FBLN1: variants seen among roughly 807,000 people sequenced by gnomAD.
FBLN1 encodes the protein fibulin 1, also known as fibulin-1.
In FBLN1, 34 loss-of-function variants were observed where a neutral mutation model predicts 89.7. The observed-to-expected ratio is 0.38, with a 90% CI of 0.29 to 0.50. The LOEUF (loss-of-function observed/expected upper bound fraction) is 0.50, where lower values mean the gene tolerates loss of function less well. Ranked by LOEUF, FBLN1 falls within the 20% of genes least tolerant of loss-of-function variation. FBLN1 has a pLI of 0.92. For missense variants in FBLN1, 777 were observed against 988.1 expected (o/e 0.79, Z 2.86); for synonymous variants, 393 against 391.3 (o/e 1.00, Z -0.05).
intron 14 of FBLN1, among the ~76,000 whole-genome samples, chr22:45,567,389 G>A (rs2088908799): frequency 6.6e-6 from 1 of 152,242 alleles, no homozygotes; most frequent in South Asian, 2.1e-4. Context: ...GCCAAGGCAG[G>A]CAGACCACTG....
intron 14 of FBLN1, among the ~76,000 whole-genome samples, chr22:45,570,366 GAAAAAGAA>G (rs2088942896): frequency 4.4e-5 from 4 of 90,794 alleles, no homozygotes; most frequent in Admixed American, 1.1e-4. Flanking sequence ...AAAAAAAAAA[GAAAAAGAA>G]AAAAAGAAAG....
chr22:45,594,468 G>T (rs191408810), intron 16 of FBLN1, among the ~76,000 whole-genome samples: 1 of 152,236 alleles, frequency 6.6e-6, no homozygotes, highest in Non-Finnish European at 1.5e-5. Flanking sequence ...CTGCTTCCTT[G>T]GCTCATATTT....
Position 45,537,251 on chromosome 22 carries a change from T to C in FBLN1, c.922+1914T>C, listed in dbSNP as rs2088494349. ...TCCTTAGCGAAATCTGTATTGATCA[T>C]TTATTTGAAATAGTGGTTTGGAGAG... is the stretch of plus-strand genomic sequence containing the variant. On this transcript the variant is annotated intron_variant, in intron 8 of 16. Transcript: ENST00000327858. This position sits in a 1 kb window ranked among gnomAD's most constrained non-coding sequence, Gnocchi z 5.7. Among the ~76,000 whole-genome samples, 1 of 152,218 alleles carries C rather than the reference T, an allele frequency of 6.6e-6. No homozygotes were observed. Among genetic ancestry groups the C allele is most frequent in the Non-Finnish European group, 1.5e-5 (1 of 68,028 alleles).
rs745783115 is a variant in FBLN1, at chr22:45,531,296, G to A, written c.516G>A (p.Glu172=). Residue 172 remains glutamate (E), a synonymous_variant, in exon 5 of 17, where the codon GAG becomes GAA. Transcript: ENST00000327858. The surrounding 1 kb of genome is among the most constrained non-coding windows in gnomAD (Gnocchi z 4.9). ...DKIIEVEEEQ[E]DPYLNDRCRG... is the part of the protein sequence containing the mutation. Reference sequence around the variant, plus strand: ...TCATTGAGGTTGAGGAGGAACAAGAGGACCCATATCTGAATGACCGCTGCC... The same window carrying A: ...TCATTGAGGTTGAGGAGGAACAAGAAGACCCATATCTGAATGACCGCTGCC... 2 of 1,614,040 alleles carry A rather than the reference G, an allele frequency of 1.2e-6. No homozygotes were observed. Among genetic ancestry groups the A allele is most frequent in the East Asian group, 4.5e-5 (2 of 44,880 alleles).
At chr22:45,598,375 C>G (rs1407483177) in intron 16 of FBLN1, among the ~76,000 whole-genome samples, 1 of 152,236 alleles carries the variant, frequency 6.6e-6, no homozygotes, top group Non-Finnish European at 1.5e-5. Context: ...CACATCCCCA[C>G]CCTCAACACC....
chr22:45,539,920 T>G (rs1266078803), intron 8 of FBLN1, among the ~76,000 whole-genome samples: 3 of 152,082 alleles, frequency 2.0e-5, no homozygotes, highest in African/African-American at 4.8e-5. Context: ...AACGCTGCAT[T>G]TATTCGTGTT....
chr22:45,539,502 G>T (rs136752), intron 8 of FBLN1, among the ~76,000 whole-genome samples: 54,026 of 151,904 alleles, frequency 0.36, 10,319 homozygotes, highest in Middle Eastern at 0.51. Context: ...CCCAGCCTCT[G>T]CCTTTCTTCT....
chr22:45,549,499 T>C lies in FBLN1; in HGVS notation c.1573+755T>C, dbSNP rs528451538. 6.6e-6 allele frequency among the ~76,000 whole-genome samples: 1 copy of C among 152,254 alleles called. No homozygotes were observed. The highest frequency in any genetic ancestry group is 1.9e-4 in the East Asian group (1 of 5,158). ...GAAAGGCAGGCAGGAGCTGCGGTGT[T>C]TCCTGGGAGGCCCCCTCCGCTTGCC... On this transcript the variant is annotated intron_variant, in intron 13 of 16. Transcript: ENST00000327858. The surrounding 1 kb of genome is among the most constrained non-coding windows in gnomAD (Gnocchi z 5.7).
chr22:45,513,265 G>A (rs2088125165), intron 1 of FBLN1, among the ~76,000 whole-genome samples: 1 of 150,910 alleles, frequency 6.6e-6, no homozygotes, highest in Non-Finnish European at 1.5e-5. Context: ...TTTTATTGTG[G>A]TAAAATACGC....
At chr22:45,509,210 C>T (rs1246888520) in intron 1 of FBLN1, among the ~76,000 whole-genome samples, 1 of 152,098 alleles carries the variant, frequency 6.6e-6, no homozygotes, top group Non-Finnish European at 1.5e-5. Context: ...GCCCTTGGAG[C>T]AGGGTGGGAT....
In FBLN1 at chr22:45,575,816, G is replaced by A. The variant is rs562835771; in HGVS notation, c.1841-1161G>A. On this transcript the variant is annotated intron_variant, in intron 15 of 16. Transcript: ENST00000327858. The surrounding 1 kb of genome is among the most constrained non-coding windows in gnomAD (Gnocchi z 6.3). ...ACCTCGCTTCCTGGCTGTGCTGCCC[G>A]TGTGCCCGGTCCCCAACCACCCCCG... Among the ~76,000 whole-genome samples the A allele has an allele frequency of 5.3e-5, 8 of 152,278 alleles. No individual in the cohort carries two copies. Among genetic ancestry groups the A allele is most frequent in the South Asian group, 2.1e-4 (1 of 4,826 alleles).
intron 16 of FBLN1, among the ~76,000 whole-genome samples, chr22:45,596,177 C>T (rs376493640): frequency 6.6e-6 from 1 of 152,214 alleles, no homozygotes; most frequent in South Asian, 2.1e-4. Flanking sequence ...CCAAAGGTTG[C>T]TGTTTTTAAT....
At position 45,574,448 on chromosome 22, in the gene FBLN1, G is replaced by C; in HGVS notation, c.1698-63G>C. On this transcript the variant is annotated intron_variant, in intron 14 of 16. Transcript: ENST00000327858. This position sits in a 1 kb window ranked among gnomAD's most constrained non-coding sequence, Gnocchi z 4.1. The stretch of plus-strand genomic sequence containing the variant: ...CACCTGCTCCTCCTCCCTAGACCTC[G>C]GCCCCTGTGGGAGCTGCTGTCCCAG... 1 of 1,601,256 alleles carries C rather than the reference G, an allele frequency of 6.2e-7. No homozygotes were observed. Among genetic ancestry groups the C allele is most frequent in the Non-Finnish European group, 8.5e-7 (1 of 1,170,298 alleles).
chr22:45,550,795 G>T lies in FBLN1; in HGVS notation c.1697+180G>T. Reference sequence around the variant, plus strand: ...CCTAAATGCTAGTGACACTGGTCTCGGAAAGTCAAGGGGGTAACTGCAAAT... The same window carrying T: ...CCTAAATGCTAGTGACACTGGTCTCTGAAAGTCAAGGGGGTAACTGCAAAT... On this transcript the variant is annotated intron_variant, in intron 14 of 16. Coordinates refer to ENST00000327858, the MANE Select transcript of FBLN1 (RefSeq NM_006486.3). This position sits in a 1 kb window ranked among gnomAD's most constrained non-coding sequence, Gnocchi z 8.4. 1 of 833,126 alleles carries T rather than the reference G, an allele frequency of 1.2e-6. No homozygotes were observed. Among genetic ancestry groups the T allele is most frequent in the Non-Finnish European group, 2.0e-6 (1 of 506,206 alleles). The allele number at this position is 833,126 out of a possible 1,614,324, so 51.6% of individuals were successfully genotyped here.
At position 45,586,257 on chromosome 22, in the gene FBLN1, C is replaced by T. The variant is rs188229568; in HGVS notation, c.1972+9149C>T. ...CACACCCGAGATTGGTTTTCCAGCC[C>T]AGGACCTGGCTAGGAAGGGTCGGCG... On this transcript the variant is annotated intron_variant, in intron 16 of 16. Transcript: ENST00000327858. 2.2e-3 allele frequency among the ~76,000 whole-genome samples: 339 copies of T among 152,348 alleles called. 1 individual carries two copies. The highest frequency in any genetic ancestry group is 7.7e-3 in the African/African-American group (322 of 41,578).
chr22:45,533,765 C>T lies in FBLN1; in HGVS notation c.651C>T (p.Val217=). The T allele has an allele frequency of 6.2e-7, 1 of 1,612,088 alleles. No individual in the cohort carries two copies. The highest frequency in any genetic ancestry group is 8.5e-7 in the Non-Finnish European group (1 of 1,179,980). ...CACTGCCTCGGTCTCTCCTAGATGT[C>T]AATGAATGCATCACGGGCAGCCACA... The part of the protein sequence containing the change: ...LLSDGVSCED[V]NECITGSHSC... The change falls in exon 7 of 17, where the codon GTC becomes GTT. Residue 217 remains valine (V), a synonymous_variant. Coordinates refer to ENST00000327858, the MANE Select transcript of FBLN1 (RefSeq NM_006486.3).
chr22:45,550,707 T>G lies in FBLN1; in HGVS notation c.1697+92T>G. 1 of 1,577,974 alleles carries G rather than the reference T, an allele frequency of 6.3e-7. No individual in the cohort carries two copies. The highest frequency in any genetic ancestry group is 1.7e-5 in the Admixed American group (1 of 59,952). On this transcript the variant is annotated intron_variant, in intron 14 of 16. Coordinates refer to ENST00000327858, the MANE Select transcript of FBLN1 (RefSeq NM_006486.3). The surrounding 1 kb of genome is among the most constrained non-coding windows in gnomAD (Gnocchi z 8.4). ...GTGGGTGGGTTATCAGGCTGTGACC[T>G]CGGTGTCCTCCCATGAGGGACTCAG...
At position 45,549,806 on chromosome 22, in the gene FBLN1, G is replaced by A. The variant is rs2088678323; in HGVS notation, c.1574-686G>A. Among the ~76,000 whole-genome samples the A allele has an allele frequency of 5.9e-5, 9 of 152,208 alleles. No homozygotes were observed. In the South Asian group the frequency reaches 1.9e-3, roughly 32 times the overall value. On this transcript the variant is annotated intron_variant, in intron 13 of 16. Transcript: ENST00000327858. The surrounding 1 kb of genome is among the most constrained non-coding windows in gnomAD (Gnocchi z 5.7). The stretch of plus-strand genomic sequence containing the variant: ...AGTTGGGCTGCTCCCCCATCTCCAG[G>A]GGCCTCTCAGTGTGGTGCCCCAGGC...
At position 45,503,033 on chromosome 22, in the gene FBLN1, G is replaced by GCTC. The variant is rs1250297106; in HGVS notation, c.49_51dup (p.Leu17dup). ...GCCGGGTCCCGCTTCCGCTGCTGCT[G>GCTC]CTCGGCGGCCTTGCGCTGCTGGCGG... is the stretch of plus-strand genomic sequence containing the variant. On this transcript the variant is annotated inframe_insertion, in exon 1 of 17. Transcript: ENST00000327858. 49 of 1,253,336 alleles carry GCTC rather than the reference G, an allele frequency of 3.9e-5. No homozygotes were observed. The highest frequency in any genetic ancestry group is 4.7e-5 in the Non-Finnish European group (47 of 1,000,138). 77.6% of individuals were successfully genotyped at this position (1,253,336 alleles called of 1,614,324 possible).
Sources: allele counts gnomAD v4.1 joint callset (sites outside exome capture counted in the v4.1 genomes callset), GRCh38; gene constraint gnomAD v4.1.1; non-coding constraint Gnocchi (gnomAD v3.1); transcripts MANE v1.5; gene names NCBI Gene and HGNC (gene_info 2026-07-23, HGNC 2026-07-21).